ZNF772: variants seen among roughly 807,000 people sequenced by gnomAD.
ZNF772 encodes zinc finger protein 772.
A neutral mutation model predicts 11.0 loss-of-function variants in ZNF772; 8 were observed. That is an observed-to-expected ratio of 0.73 (90% CI 0.43 to 1.31). The LOEUF (loss-of-function observed/expected upper bound fraction) is 1.31, where lower values mean the gene tolerates loss of function less well. ZNF772 is among the 50% of genes most tolerant of loss of function. ZNF772 has a pLI of 0.01. For synonymous variants in ZNF772, 155 were observed against 180.4 expected (o/e 0.86, Z 1.13); for missense variants, 496 against 552.3 (o/e 0.90, Z 1.02).
Position 57,475,398 on chromosome 19 carries a change from A to G in ZNF772, c.199+262T>C, listed in dbSNP as rs879612588. Among the ~76,000 whole-genome samples the G allele has an allele frequency of 1.3e-5, 2 of 152,192 alleles. No homozygotes were observed. Among genetic ancestry groups the G allele is most frequent in the Non-Finnish European group, 2.9e-5 (2 of 68,030 alleles). The stretch of plus-strand genomic sequence containing the variant: ...TTCAGACAGGGAAAGGACAAGATGG[A>G]TATGACCCACTGGGCTGACAATACA... On this transcript the variant is annotated intron_variant, in intron 3 of 3. Transcript: ENST00000356584. The surrounding 1 kb of genome is among the most constrained non-coding windows in gnomAD (Gnocchi z 4.2).
At chr19:57,476,155 T>C (rs990949243) in intron 2 of ZNF772, among the ~76,000 whole-genome samples, 1 of 152,220 alleles carries the variant, frequency 6.6e-6, no homozygotes, top group Non-Finnish European at 1.5e-5. Context: ...TTTCCATATG[T>C]ACATCACTCT....
In ZNF772 at chr19:57,471,025, C is replaced by G. The variant is rs2089208039; in HGVS notation, c.*2249G>C. The G allele has an allele frequency of 6.6e-6, 1 of 152,218 alleles. No homozygotes were observed. The highest frequency in any genetic ancestry group is 1.5e-5 in the Non-Finnish European group (1 of 68,034). The allele number at this position is 152,218 out of a possible 1,614,324, so 9.4% of individuals were successfully genotyped here. On this transcript the variant is annotated 3_prime_UTR_variant, in exon 4 of 4. Transcript: ENST00000356584. ...ACATATAACTTGTACAGCCCTCTATCTACCACAGAAATCAAACTTATAGTT... is the reference window on the plus strand; with the variant it reads ...ACATATAACTTGTACAGCCCTCTATGTACCACAGAAATCAAACTTATAGTT...
rs1454039324 is a variant in ZNF772, at chr19:57,473,135, C to CG, written c.*138dup. On this transcript the variant is annotated 3_prime_UTR_variant, in exon 4 of 4. Coordinates refer to ENST00000356584, the MANE Select transcript of ZNF772 (RefSeq NM_001144068.2). ...GAAGGCTTCCCATATAGCTGGCACT[C>CG]GGAAGAACCTCCCCAGGGTGAGTGT... The CG allele has an allele frequency of 2.0e-5, 17 of 831,094 alleles. No homozygotes were observed. In the Admixed American group the frequency reaches 3.5e-4, roughly 17 times the overall value. 51.5% of individuals were successfully genotyped at this position (831,094 alleles called of 1,614,324 possible).
rs1191275908 is a variant in ZNF772 at position 57,472,063 on chromosome 19, C to T, written c.*1211G>A. The T allele has an allele frequency of 2.2e-6, 1 of 453,510 alleles. No homozygotes were observed. The highest frequency in any genetic ancestry group is 4.4e-6 in the Non-Finnish European group (1 of 226,112). The allele number at this position is 453,510 out of a possible 1,614,324, so 28.1% of individuals were successfully genotyped here. On this transcript the variant is annotated 3_prime_UTR_variant, in exon 4 of 4. Coordinates refer to ENST00000356584, the MANE Select transcript of ZNF772 (RefSeq NM_001144068.2). ...TTTAGACTGACTTCTGGACAGTAAC[C>T]TTAGCCATAAGAGACACAGGTATGG...
In ZNF772 at chr19:57,472,206, T is replaced by G. The variant is rs2089223074; in HGVS notation, c.*1068A>C. ...CAGTTTTCTCATTCCTTTATTAATCTGGGTTTCTGCACCAACTATGATTCC... is the reference window on the plus strand; with the variant it reads ...CAGTTTTCTCATTCCTTTATTAATCGGGGTTTCTGCACCAACTATGATTCC... On this transcript the variant is annotated 3_prime_UTR_variant, in exon 4 of 4. Transcript: ENST00000356584. 1 of 455,922 alleles carries G rather than the reference T, an allele frequency of 2.2e-6. No homozygotes were observed. The highest frequency in any genetic ancestry group is 7.0e-5 in the East Asian group (1 of 14,370). 28.2% of individuals were successfully genotyped at this position (455,922 alleles called of 1,614,324 possible).
intron 1 of ZNF772, among the ~76,000 whole-genome samples, chr19:57,476,937 G>A (rs2089291565): frequency 6.6e-6 from 1 of 152,184 alleles, no homozygotes; most frequent in Non-Finnish European, 1.5e-5. Context: ...CCTCTGTTCA[G>A]AACCTTCCAT....
rs926520662 is a variant in ZNF772 at position 57,477,288 on chromosome 19, C to T, written c.22G>A (p.Gly8Ser). 6.2e-7 allele frequency: 1 copy of T among 1,600,950 alleles called. No individual in the cohort carries two copies. The highest frequency in any genetic ancestry group is 8.5e-7 in the Non-Finnish European group (1 of 1,176,150). Reference protein sequence around the residue: MAAAEPMGPAQVPMNSEV... With the variant: MAAAEPMSPAQVPMNSEV... ...GACGCAGCACCCACCTGTGCCGGGC[C>T]CATCGGCTCAGCCGCCGCCATCAGG... Residue 8 changes from glycine (G) to serine (S), a missense_variant, in exon 1 of 4, where the codon GGC becomes AGC. By Grantham distance (56) the Gly-to-Ser change is moderately conservative. Transcript: ENST00000356584.
chr19:57,474,364 C>T lies in ZNF772; in HGVS notation c.257G>A (p.Gly86Glu). ...CTTGGGAATCCTGATCTGTGACATTCCTATAGAAAAGCTCTGCTCAAAAGG... is the reference window on the plus strand; with the variant it reads ...CTTGGGAATCCTGATCTGTGACATTTCTATAGAAAAGCTCTGCTCAAAAGG... Reference protein sequence around the residue: ...EIPFEQSFSIGMSQIRIPKGG... With the variant: ...EIPFEQSFSIEMSQIRIPKGG... Residue 86 changes from glycine to glutamate, a missense_variant, in exon 4 of 4, where the codon GGA becomes GAA. Physicochemically the swap from Gly to Glu is moderately conservative, Grantham distance 98. Coordinates refer to ENST00000356584, the MANE Select transcript of ZNF772 (RefSeq NM_001144068.2). The T allele has an allele frequency of 6.2e-7, 1 of 1,612,736 alleles. No individual in the cohort carries two copies. Among genetic ancestry groups the T allele is most frequent in the Non-Finnish European group, 8.5e-7 (1 of 1,180,018 alleles).
At position 57,473,830 on chromosome 19, in the gene ZNF772, C is replaced by A; in HGVS notation, c.791G>T (p.Arg264Leu). 6.2e-7 allele frequency: 1 copy of A among 1,611,070 alleles called. No homozygotes were observed. ...CTGGTGCTGAGCAAGTATGGGTTTGCGGCTAAAGGTTTTCCCACATTCACC... is the reference window on the plus strand; with the variant it reads ...CTGGTGCTGAGCAAGTATGGGTTTGAGGCTAAAGGTTTTCCCACATTCACC... ...ECGECGKTFS[R>L]KPILAQHQRI... Residue 264 changes from arginine (R) to leucine (L), a missense_variant, in exon 4 of 4, where the codon CGC (arginine) becomes CTC (leucine). By Grantham distance (102) the Arg-to-Leu change is moderately radical (BLOSUM62 -2). Transcript: ENST00000356584.
In ZNF772 at chr19:57,472,431, G is replaced by GCC. The variant is rs1200465005; in HGVS notation, c.*842_*843insGG. 3 of 261,904 alleles carry GCC rather than the reference G, an allele frequency of 1.1e-5. No individual in the cohort carries two copies. The highest frequency in any genetic ancestry group is 6.9e-5 in the African/African-American group (3 of 43,648). 16.2% of individuals were successfully genotyped at this position (261,904 alleles called of 1,614,324 possible). A position where few individuals can be genotyped will look rare whatever the true frequency, so the allele number is the denominator to read the frequency against. ...ACAACAAATGCCCACTGCTTAGGGTGACCTCAATTACACAAAAAATCTTAA... is the reference window on the plus strand; with the variant it reads ...ACAACAAATGCCCACTGCTTAGGGTGCCACCTCAATTACACAAAAAATCTTAA... On this transcript the variant is annotated 3_prime_UTR_variant, in exon 4 of 4. Transcript: ENST00000356584.
chr19:57,476,744 A>G, intron 1 of ZNF772, 72 bp from the exon 2 acceptor site: 2 of 1,358,114 alleles, frequency 1.5e-6, no homozygotes. Flanking sequence ...CCCATCCCAT[A>G]TTCCTACCCA....
At chr19:57,474,960 A>T in intron 3 of ZNF772, 2 of 1,607,634 alleles carry the variant, frequency 1.2e-6, no homozygotes, top group Non-Finnish European at 1.7e-6. Flanking sequence ...CTGTAGGCAC[A>T]AAGAGGCTAT....
chr19:57,475,703 G>C lies in ZNF772; in HGVS notation c.156C>G (p.Tyr52Ter). 6.2e-7 allele frequency: 1 copy of C among 1,613,954 alleles called. No individual in the cohort carries two copies. The highest frequency in any genetic ancestry group is 8.5e-7 in the Non-Finnish European group (1 of 1,179,882). The change falls in exon 3 of 4, where the codon TAC becomes TAG. Residue 52 changes from tyrosine (Y) to a stop codon, truncating the protein, a stop_gained. Transcript: ENST00000356584. LOFTEE classifies it low-confidence loss of function (END_TRUNC). This position sits in a 1 kb window ranked among gnomAD's most constrained non-coding sequence, Gnocchi z 4.2. ...CAAAGTTCTCCAGCATCACATCACG[G>C]TACAGGAGCCTCTGAGCCTCATCAA... is the stretch of plus-strand genomic sequence containing the variant. ...VLLDEAQRLL[Y>*]RDVMLENFAL... is the part of the protein sequence containing the mutation.
chr19:57,471,908 C>T lies in ZNF772; in HGVS notation c.*1366G>A, dbSNP rs779020539. 3 of 275,584 alleles carry T rather than the reference C, an allele frequency of 1.1e-5. No individual in the cohort carries two copies. The highest frequency in any genetic ancestry group is 5.0e-5 in the Admixed American group (1 of 20,142). 17.1% of individuals were successfully genotyped at this position (275,584 alleles called of 1,614,324 possible). On this transcript the variant is annotated 3_prime_UTR_variant, in exon 4 of 4. Coordinates refer to ENST00000356584, the MANE Select transcript of ZNF772 (RefSeq NM_001144068.2). ...TACAGTGACAACGGATCAATAGTTGCCTGGGGATGGGTGAAGGAAAGGGAG... is the reference window on the plus strand; with the variant it reads ...TACAGTGACAACGGATCAATAGTTGTCTGGGGATGGGTGAAGGAAAGGGAG...
In ZNF772 at chr19:57,475,850, CCCACA is replaced by C. The variant is rs2089277963; in HGVS notation, c.73-69_73-65del. ...TCTCCCAAGAACCCCCATCCGTGCC[CCCACA>C]CATCTCCCTCCTGTACACCCTCCTA... is the stretch of plus-strand genomic sequence containing the variant. On this transcript the variant is annotated intron_variant, in intron 2 of 3. Transcript: ENST00000356584. This position sits in a 1 kb window ranked among gnomAD's most constrained non-coding sequence, Gnocchi z 4.2. 5 of 1,544,266 alleles carry C rather than the reference CCCACA, an allele frequency of 3.2e-6. No individual in the cohort carries two copies. The highest frequency in any genetic ancestry group is 4.4e-6 in the Non-Finnish European group (5 of 1,145,736).
At position 57,475,435 on chromosome 19, in the gene ZNF772, CT is replaced by C. The variant is rs1406836448; in HGVS notation, c.199+224del. Among the ~76,000 whole-genome samples the C allele has an allele frequency of 6.6e-6, 1 of 152,216 alleles. No homozygotes were observed. The highest frequency in any genetic ancestry group is 2.4e-5 in the African/African-American group (1 of 41,448). ...GGGCTGACAATACAATGCATAACTC[CT>C]GAATCCATGCCTGCAAGGCTCTGAG... On this transcript the variant is annotated intron_variant, in intron 3 of 3. Transcript: ENST00000356584. The surrounding 1 kb of genome is among the most constrained non-coding windows in gnomAD (Gnocchi z 4.2).
intron 2 of ZNF772, 91 bp downstream of exon 2, chr19:57,476,543 T>A (rs749236380): frequency 1.4e-6 from 2 of 1,469,138 alleles, no homozygotes; most frequent in Non-Finnish European, 1.9e-6. Flanking sequence ...GATCGGAGAG[T>A]AGCAGGAGAG....
rs1371914937 is a variant in ZNF772 at position 57,473,472 on chromosome 19, A to C, written c.1149T>G (p.His383Gln). ...GCTTTTCACCATTATGAACTCTTTG[A>C]TGTGCAATAAGGTCAGAGCTTTGGC... ...FFSQSSDLIAHQRVHNGEKPY... is the reference protein window; with the variant it reads ...FFSQSSDLIAQQRVHNGEKPY... The change falls in exon 4 of 4, where the codon CAT becomes CAG. Residue 383 changes from histidine to glutamine, a missense_variant. Physicochemically the swap from His to Gln is conservative, Grantham distance 24. Coordinates refer to ENST00000356584, the MANE Select transcript of ZNF772 (RefSeq NM_001144068.2). The C allele has an allele frequency of 3.7e-6, 6 of 1,614,138 alleles. 1 individual carries two copies. The highest frequency in any genetic ancestry group is 3.3e-5 in the South Asian group (3 of 91,068).
Position 57,474,063 on chromosome 19 carries a change from A to G in ZNF772, c.558T>C (p.Ala186=), listed in dbSNP as rs770078436. 1.2e-6 allele frequency: 2 copies of G among 1,614,148 alleles called. No homozygotes were observed. The highest frequency in any genetic ancestry group is 4.5e-5 in the East Asian group (2 of 44,888). The change falls in exon 4 of 4, where the codon GCT becomes GCC. Residue 186 remains alanine, a synonymous_variant. Coordinates refer to ENST00000356584, the MANE Select transcript of ZNF772 (RefSeq NM_001144068.2). ...SMEMSFVTGE[A]CKDFLASSSI... is the part of the protein sequence containing the mutation. ...TTGAGCTGGCTAGGAAGTCCTTACAAGCCTCCCCTGTCACAAAAGACATCT... is the reference window on the plus strand; with the variant it reads ...TTGAGCTGGCTAGGAAGTCCTTACAGGCCTCCCCTGTCACAAAAGACATCT...
Sources: allele counts gnomAD v4.1 joint callset (sites outside exome capture counted in the v4.1 genomes callset), GRCh38; gene constraint gnomAD v4.1.1; non-coding constraint Gnocchi (gnomAD v3.1); transcripts MANE v1.5; gene names NCBI Gene and HGNC (gene_info 2026-07-23, HGNC 2026-07-21).